PM20D2: variants seen among roughly 807,000 people sequenced by gnomAD.
PM20D2 encodes peptidase M20 domain containing 2, also known as xaa-Arg dipeptidase.
A neutral mutation model predicts 42.9 loss-of-function variants in PM20D2; 33 were observed. The observed-to-expected ratio is 0.77, with a 90% confidence interval of 0.58 to 1.03. The LOEUF (loss-of-function observed/expected upper bound fraction) is 1.03, where lower values mean the gene tolerates loss of function less well. Among genes scored for constraint, PM20D2 ranks in the 50% least tolerant of loss-of-function variants. The pLI is 0.00. For synonymous variants in PM20D2, 250 were observed against 228.2 expected, an observed-to-expected ratio of 1.10 and a Z score of -0.86; for missense variants, 548 against 557.0, an observed-to-expected ratio of 0.98 and a Z score of 0.16.
the PM20D2 span, chr6:89,107,059 G>T: frequency 1.7e-6 from 2 of 1,167,032 alleles, no homozygotes; most frequent in Non-Finnish European, 2.6e-6. Context: ...ATTTAATTAG[G>T]CAATATTAAT....
At chr6:89,119,621 C>A in the PM20D2 span, among the ~76,000 whole-genome samples, 7 of 152,326 alleles carry the variant, frequency 4.6e-5, no homozygotes, top group African/African-American at 1.7e-4. Flanking sequence ...GAAATTTATT[C>A]TCTTGTAGTT....
chr6:89,157,398 T>G (rs1562258840), intron 4 of PM20D2, among the ~76,000 whole-genome samples: 1 of 152,158 alleles, frequency 6.6e-6, no homozygotes, highest in Non-Finnish European at 1.5e-5. Context: ...GAGGGAATAT[T>G]GCCAATTTTT....
the PM20D2 span, chr6:89,097,290 A>C: frequency 2.0e-5 from 3 of 152,312 alleles, no homozygotes; most frequent in Admixed American, 6.5e-5. Flanking sequence ...CTCTATAAAT[A>C]TATCCCCTAT....
the PM20D2 span, chr6:89,105,211 A>T: frequency 6.2e-7 from 1 of 1,612,342 alleles, no homozygotes; most frequent in Non-Finnish European, 8.5e-7. Flanking sequence ...ATCTCCTGTG[A>T]TCACTTGGAG....
At chr6:89,125,338 G>A in the PM20D2 span, among the ~76,000 whole-genome samples, 78 of 152,230 alleles carry the variant, frequency 5.1e-4, no homozygotes, top group Non-Finnish European at 9.9e-4. Context: ...AAATTAGCTG[G>A]GTGTGGTGGC....
the PM20D2 span, among the ~76,000 whole-genome samples, chr6:89,132,870 G>A: frequency 6.0e-5 from 9 of 150,548 alleles, no homozygotes; most frequent in Non-Finnish European, 1.0e-4. Context: ...TTTTTACATC[G>A]CTTCTCTTCA....
chr6:89,102,437 G>T, the PM20D2 span, among the ~76,000 whole-genome samples: 1 of 151,718 alleles, frequency 6.6e-6, no homozygotes, highest in Non-Finnish European at 1.5e-5. Flanking sequence ...GGCCTCTCTT[G>T]AATTTTTTAT....
At chr6:89,159,288 C>T (rs1332777372) in intron 5 of PM20D2, among the ~76,000 whole-genome samples, 1 of 151,966 alleles carries the variant, frequency 6.6e-6, no homozygotes, top group Non-Finnish European at 1.5e-5. Flanking sequence ...TGGCAGTCAA[C>T]GAAGTGGTCA....
chr6:89,117,287 T>C, the PM20D2 span, among the ~76,000 whole-genome samples: 1 of 152,180 alleles, frequency 6.6e-6, no homozygotes, highest in Non-Finnish European at 1.5e-5. Context: ...ATTGTGTGAA[T>C]AAAATGCAAG....
chr6:89,159,227 G>A (rs1332043743), intron 5 of PM20D2, among the ~76,000 whole-genome samples: 3 of 152,170 alleles, frequency 2.0e-5, no homozygotes, highest in African/African-American at 4.8e-5. Flanking sequence ...CATAGATGTC[G>A]ATGAGGTTGC....
the PM20D2 span, among the ~76,000 whole-genome samples, chr6:89,113,287 C>T: frequency 1.1e-4 from 17 of 152,074 alleles, no homozygotes; most frequent in Non-Finnish European, 1.8e-4. Context: ...GATTCTTCTG[C>T]CTCAGCCTCC....
chr6:89,133,034 G>A, the PM20D2 span, among the ~76,000 whole-genome samples: 3 of 150,674 alleles, frequency 2.0e-5, no homozygotes, highest in African/African-American at 5.0e-5. Flanking sequence ...ACCAGCTTAG[G>A]CAACATAGTG....
At chr6:89,117,330 GA>G in the PM20D2 span, among the ~76,000 whole-genome samples, 7 of 152,212 alleles carry the variant, frequency 4.6e-5, no homozygotes, top group African/African-American at 1.7e-4. Context: ...AGAACTGGGG[GA>G]AAGAAACTGT....
chr6:89,115,258 C>A, the PM20D2 span, among the ~76,000 whole-genome samples: 1 of 151,828 alleles, frequency 6.6e-6, no homozygotes, highest in Non-Finnish European at 1.5e-5. Flanking sequence ...GTGTCATACA[C>A]CAGGCTACAT....
chr6:89,109,506 G>C, the PM20D2 span, among the ~76,000 whole-genome samples: 1 of 152,186 alleles, frequency 6.6e-6, no homozygotes, highest in African/African-American at 2.4e-5. Flanking sequence ...TTCAAATGAA[G>C]GTCTTCTGAG....
At chr6:89,124,908 A>G in the PM20D2 span, among the ~76,000 whole-genome samples, 1 of 151,184 alleles carries the variant, frequency 6.6e-6, no homozygotes, top group Non-Finnish European at 1.5e-5. Context: ...GCTAATTTTT[A>G]AATTTTTTAT....
chr6:89,117,916 G>A, the PM20D2 span: 2 of 1,549,392 alleles, frequency 1.3e-6, no homozygotes. Flanking sequence ...CTCCGGGTCT[G>A]CCCGCGGCCG....
At chr6:89,148,633 C>T (rs1770692697) in intron 1 of PM20D2, 3 of 867,448 alleles carry the variant, frequency 3.5e-6, no homozygotes, top group Non-Finnish European at 4.2e-6. Context: ...GTTTAATGTT[C>T]TTCATAAAGG....
the PM20D2 span, among the ~76,000 whole-genome samples, chr6:89,132,174 G>A: frequency 6.6e-6 from 1 of 152,168 alleles, no homozygotes; most frequent in East Asian, 1.9e-4. Context: ...GAAAAAAGGA[G>A]ATGATGGTTG....
Sources: gnomAD v4.1 joint callset for allele counts (sites outside exome capture counted in the v4.1 genomes callset) on GRCh38, gnomAD v4.1.1 for gene constraint, MANE v1.5 for transcripts, NCBI Gene and HGNC (gene_info 2026-07-23, HGNC 2026-07-21) for gene names.